Variants in IKBKB observed in about 807,000 individuals in gnomAD.
The protein encoded by IKBKB is inhibitor of nuclear factor kappa B kinase subunit beta.
IKBKB carries 42 observed loss-of-function variants against 113.6 expected under a neutral mutation model. The observed-to-expected ratio is 0.37, with a 90% CI of 0.29 to 0.48. The LOEUF (loss-of-function observed/expected upper bound fraction) is 0.48. Ranked by LOEUF, IKBKB falls within the 20% of genes least tolerant of loss-of-function variation. IKBKB has a pLI of 0.99. For missense variants in IKBKB, 673 were observed against 939.7 expected (o/e 0.72, Z 3.71); for synonymous variants, 296 against 361.3 (o/e 0.82, Z 2.05).
chr8:42,317,230 T>C (rs946038617), intron 11 of IKBKB: 21 of 428,344 alleles, frequency 4.9e-5, no homozygotes, highest in Non-Finnish European at 4.3e-6. Context: ...AAAAAAAGGA[T>C]GCTGCACTTT....
intron 9 of IKBKB, 136 bp downstream of exon 9, chr8:42,314,565 A>G (rs1010647876): frequency 3.1e-6 from 2 of 653,748 alleles, no homozygotes; most frequent in East Asian, 2.9e-5. Flanking sequence ...ACCTGAGGTC[A>G]GGAGTTCAAG....
intron 8 of IKBKB, chr8:42,313,969 TG>T: frequency 4.5e-6 from 1 of 222,400 alleles, no homozygotes. Context: ...TATGTATGAC[TG>T]TATATTTCAT....
At chr8:42,330,257 T>A (rs1219954262) in intron 21 of IKBKB, 5 of 984,696 alleles carry the variant, frequency 5.1e-6, no homozygotes, top group Non-Finnish European at 6.0e-6. Context: ...AAAGAAAAGA[T>A]CCTGTACAGT....
At chr8:42,282,713 C>T (rs1000141290) in intron 2 of IKBKB, among the ~76,000 whole-genome samples, 3 of 152,192 alleles carry the variant, frequency 2.0e-5, no homozygotes, top group African/African-American at 7.2e-5. Context: ...GTTTCAGAAC[C>T]GGTGATCGTA....
chr8:42,288,040 G>A (rs1249595311), intron 2 of IKBKB, among the ~76,000 whole-genome samples: 1 of 152,164 alleles, frequency 6.6e-6, no homozygotes, highest in Non-Finnish European at 1.5e-5. Flanking sequence ...TCATGGCGGA[G>A]CTGGGAATGG....
chr8:42,273,068 C>T (rs572604563), intron 2 of IKBKB, among the ~76,000 whole-genome samples: 37 of 152,132 alleles, frequency 2.4e-4, no homozygotes, highest in African/African-American at 8.9e-4. Flanking sequence ...GATTGTGCCA[C>T]TGCACTCTAG....
intron 2 of IKBKB, among the ~76,000 whole-genome samples, chr8:42,281,152 G>A (rs763779330): frequency 3.9e-5 from 6 of 152,194 alleles, no homozygotes; most frequent in East Asian, 3.9e-4. Flanking sequence ...GATCTCTCCC[G>A]AACGCTGGGG....
intron 3 of IKBKB, among the ~76,000 whole-genome samples, chr8:42,289,111 T>A (rs1305464314): frequency 2.0e-5 from 3 of 151,996 alleles, no homozygotes; most frequent in Admixed American, 1.3e-4. Flanking sequence ...GCCGCTCGGG[T>A]GGCTGAGGCA....
In IKBKB at chr8:42,298,517, T is replaced by A. The variant is rs898022299; in HGVS notation, c.388+5005T>A. 8.2e-6 allele frequency: 8 copies of A among 978,694 alleles called. No homozygotes were observed. The Admixed American group carries it at 4.9e-4, about 60-fold the overall frequency. 60.6% of individuals were successfully genotyped at this position (978,694 alleles called of 1,614,324 possible). A position where few individuals can be genotyped will look rare whatever the true frequency, so the allele number is the denominator to read the frequency against. ...GCACTGTCTAGCATTGTGGATCTTC[T>A]GACTGGTTCCATTGCATGCATCCAT... On this transcript the variant is annotated intron_variant, in intron 5 of 21. Transcript: ENST00000520810.
intron 7 of IKBKB, among the ~76,000 whole-genome samples, chr8:42,308,374 T>G (rs1816976276): frequency 6.6e-6 from 1 of 151,090 alleles, no homozygotes; most frequent in African/African-American, 2.4e-5. Context: ...CTTGGCTCAC[T>G]GCAACCTCCA....
At chr8:42,310,987 G>T (rs1261816427) in intron 8 of IKBKB, among the ~76,000 whole-genome samples, 1 of 152,200 alleles carries the variant, frequency 6.6e-6, no homozygotes, top group South Asian at 2.1e-4. Context: ...TAACATCCTT[G>T]TAGGGAAATT....
intron 20 of IKBKB, chr8:42,326,612 CGAAAT>C (rs1445650786): frequency 1.3e-5 from 2 of 155,304 alleles, no homozygotes; most frequent in African/African-American, 2.4e-5. Flanking sequence ...TTAATCTTCA[CGAAAT>C]ACCACTCTGA....
intron 8 of IKBKB, 185 bp from the exon 9 acceptor site, chr8:42,314,137 T>A (rs1301425903): frequency 1.7e-6 from 1 of 602,992 alleles, no homozygotes; most frequent in Non-Finnish European, 3.0e-6. Flanking sequence ...TACCGGAGCA[T>A]GCTGTACAGG....
At chr8:42,310,124 T>A (rs1356262430) in intron 8 of IKBKB, among the ~76,000 whole-genome samples, 1 of 152,256 alleles carries the variant, frequency 6.6e-6, no homozygotes, top group Non-Finnish European at 1.5e-5. Flanking sequence ...CTGAAAGCCA[T>A]AATTTAAAAA....
intron 16 of IKBKB, chr8:42,321,339 G>A (rs1464467938): frequency 6.3e-6 from 1 of 158,046 alleles, no homozygotes; most frequent in Non-Finnish European, 1.4e-5. Context: ...GAGATCACAT[G>A]TGCTCCTGGC....
At chr8:42,324,238 C>T (rs964157534) in intron 19 of IKBKB, among the ~76,000 whole-genome samples, 4 of 152,190 alleles carry the variant, frequency 2.6e-5, no homozygotes, top group African/African-American at 7.2e-5. Context: ...CTGAGGTAGG[C>T]AAGGGTGAGC....
chr8:42,293,798 C>T lies in IKBKB; in HGVS notation c.388+286C>T, dbSNP rs571929939. Among the ~76,000 whole-genome samples, 3 of 152,282 alleles carry T rather than the reference C, an allele frequency of 2.0e-5. No individual in the cohort carries two copies. In the East Asian group the frequency reaches 5.8e-4, roughly 29 times the overall value. ...CCTTTCCCATTATAAAGCTCCCCTC[C>T]CTCCTTTCCTGGAATGGCCGGCGCT... On this transcript the variant is annotated intron_variant, in intron 5 of 21. Transcript: ENST00000520810.
intron 20 of IKBKB, among the ~76,000 whole-genome samples, chr8:42,326,905 G>C (rs924068992): frequency 6.6e-6 from 1 of 152,114 alleles, no homozygotes; most frequent in Non-Finnish European, 1.5e-5. Flanking sequence ...AGGGCTCTAT[G>C]GGTTCCTGCA....
chr8:42,329,866 T>C (rs545841060), intron 21 of IKBKB: 1 of 985,436 alleles, frequency 1.0e-6, no homozygotes, highest in South Asian at 4.7e-5. Context: ...TGCTTAGATC[T>C]TTACATGGCC....
Sources: gnomAD v4.1 joint callset for allele counts (sites outside exome capture counted in the v4.1 genomes callset) on GRCh38, gnomAD v4.1.1 for gene constraint, MANE v1.5 for transcripts, NCBI Gene and HGNC (gene_info 2026-07-23, HGNC 2026-07-21) for gene names.